ZCCHC7: variants seen among roughly 807,000 people sequenced by gnomAD.
ZCCHC7 encodes the protein zinc finger CCHC domain-containing protein 7.
ZCCHC7 carries 35 observed loss-of-function variants against 52.0 expected under a neutral mutation model. The observed-to-expected ratio is 0.67, with a 90% CI of 0.51 to 0.89. The LOEUF (loss-of-function observed/expected upper bound fraction) is 0.89, where lower values mean the gene tolerates loss of function less well. ZCCHC7 is among the 40% of genes least tolerant of loss of function. The pLI is 0.00. For synonymous variants in ZCCHC7, 217 were observed against 221.5 expected (o/e 0.98, Z 0.18); for missense variants, 574 against 649.1 (o/e 0.88, Z 1.26).
chr9:37,207,290 G>C (rs1274341925), intron 2 of ZCCHC7, among the ~76,000 whole-genome samples: 1 of 152,080 alleles, frequency 6.6e-6, no homozygotes, highest in Non-Finnish European at 1.5e-5. Flanking sequence ...CACTTGCAAT[G>C]TGTATTTCTA....
intron 2 of ZCCHC7, among the ~76,000 whole-genome samples, chr9:37,236,553 G>A (rs962322585): frequency 2.0e-5 from 3 of 151,872 alleles, no homozygotes; most frequent in African/African-American, 4.8e-5. Context: ...CACCACGCCC[G>A]GCTAATTTTT....
At chr9:37,134,842 C>T (rs1201265332) in intron 2 of ZCCHC7, among the ~76,000 whole-genome samples, 1 of 152,192 alleles carries the variant, frequency 6.6e-6, no homozygotes, top group Non-Finnish European at 1.5e-5. Context: ...TCTTCTGCCT[C>T]AGCCTCCCGA....
In ZCCHC7 at chr9:37,302,243, T is replaced by G; in HGVS notation, c.654+12T>G. The stretch of plus-strand genomic sequence containing the variant: ...ACAAAGACATTGAGGTAAAATCAAA[T>G]TGTTTTTAAAATTCAGAATAATAAT... On this transcript the variant is annotated intron_variant, in intron 3 of 8. Coordinates refer to ENST00000336755, the MANE Select transcript of ZCCHC7 (RefSeq NM_032226.3). 6 of 1,595,706 alleles carry G rather than the reference T, an allele frequency of 3.8e-6. No homozygotes were observed. Among genetic ancestry groups the G allele is most frequent in the Non-Finnish European group, 5.1e-6 (6 of 1,166,196 alleles).
chr9:37,281,493 CT>C (rs1221549895), intron 2 of ZCCHC7, among the ~76,000 whole-genome samples: 1 of 152,172 alleles, frequency 6.6e-6, no homozygotes, highest in Non-Finnish European at 1.5e-5. Context: ...ATATATGAGT[CT>C]CCACTTCGTA....
At chr9:37,214,375 T>C (rs1824395636) in intron 2 of ZCCHC7, among the ~76,000 whole-genome samples, 1 of 152,092 alleles carries the variant, frequency 6.6e-6, no homozygotes, top group South Asian at 2.1e-4. Context: ...GTTTTTATTA[T>C]GTTGAATGAA....
chr9:37,209,625 A>G (rs975812456), intron 2 of ZCCHC7, among the ~76,000 whole-genome samples: 1 of 152,172 alleles, frequency 6.6e-6, no homozygotes, highest in African/African-American at 2.4e-5. Context: ...CCTGTTAAAG[A>G]AGAACCCTTT....
intron 2 of ZCCHC7, among the ~76,000 whole-genome samples, chr9:37,164,131 C>T (rs1821271004): frequency 6.6e-6 from 1 of 151,420 alleles, no homozygotes; most frequent in South Asian, 2.1e-4. Context: ...CTTTGCATTT[C>T]TTTTTCTTTT....
At chr9:37,181,378 C>G (rs1822345086) in intron 2 of ZCCHC7, among the ~76,000 whole-genome samples, 1 of 152,142 alleles carries the variant, frequency 6.6e-6, no homozygotes, top group Admixed American at 6.5e-5. Context: ...GTGATTTGCA[C>G]TGACTTCAAA....
intron 2 of ZCCHC7, among the ~76,000 whole-genome samples, chr9:37,188,106 T>G (rs1194474968): frequency 6.6e-6 from 1 of 152,170 alleles, no homozygotes; most frequent in East Asian, 1.9e-4. Flanking sequence ...TTAGACCTCT[T>G]GATAACTATT....
chr9:37,271,893 A>G (rs570604055), intron 2 of ZCCHC7, among the ~76,000 whole-genome samples: 12 of 152,340 alleles, frequency 7.9e-5, no homozygotes, highest in African/African-American at 1.9e-4. Flanking sequence ...TAGACATAGC[A>G]TGCTGAAATT....
intron 6 of ZCCHC7, 95 bp from the exon 7 acceptor site, chr9:37,349,262 C>G: frequency 8.0e-7 from 1 of 1,255,942 alleles, no homozygotes; most frequent in Non-Finnish European, 1.1e-6. Flanking sequence ...TAAGAAACTT[C>G]TAAGGAATCC....
chr9:37,323,527 T>G (rs1288160165), intron 5 of ZCCHC7, among the ~76,000 whole-genome samples: 2 of 152,244 alleles, frequency 1.3e-5, no homozygotes, highest in Non-Finnish European at 2.9e-5. Flanking sequence ...CCATACCGAT[T>G]GGTTAAAAAA....
At chr9:37,156,722 T>C (rs1331990315) in intron 2 of ZCCHC7, among the ~76,000 whole-genome samples, 3 of 152,228 alleles carry the variant, frequency 2.0e-5, no homozygotes, top group Non-Finnish European at 4.4e-5. Context: ...TTTAGATGGT[T>C]AATGGGAATG....
intron 2 of ZCCHC7, among the ~76,000 whole-genome samples, chr9:37,129,756 C>T (rs1213594805): frequency 6.6e-6 from 1 of 152,202 alleles, no homozygotes; most frequent in Non-Finnish European, 1.5e-5. Flanking sequence ...GAAAAGACTA[C>T]AGGCTCCTTG....
intron 2 of ZCCHC7, among the ~76,000 whole-genome samples, chr9:37,164,564 GAA>G (rs1007299460): frequency 2.0e-5 from 3 of 151,944 alleles, no homozygotes; most frequent in African/African-American, 4.8e-5. Flanking sequence ...AGAAAGAAAA[GAA>G]AAGAGAGAAG....
intron 2 of ZCCHC7, among the ~76,000 whole-genome samples, chr9:37,129,708 G>A (rs913728925): frequency 6.6e-6 from 1 of 152,110 alleles, no homozygotes; most frequent in African/African-American, 2.4e-5. Flanking sequence ...ATATCTCCCA[G>A]AATTATGGCA....
chr9:37,179,215 G>A (rs1822218477), intron 2 of ZCCHC7, among the ~76,000 whole-genome samples: 1 of 151,996 alleles, frequency 6.6e-6, no homozygotes, highest in Non-Finnish European at 1.5e-5. Context: ...TATTTTTGCT[G>A]GCAGCCTTAA....
At chr9:37,281,449 TAA>T (rs1176523337) in intron 2 of ZCCHC7, among the ~76,000 whole-genome samples, 35 of 152,254 alleles carry the variant, frequency 2.3e-4, no homozygotes, top group Non-Finnish European at 5.1e-4. Flanking sequence ...AGATGAATTA[TAA>T]ACTCTTTATG....
intron 2 of ZCCHC7, among the ~76,000 whole-genome samples, chr9:37,134,830 A>G (rs1842933461): frequency 6.6e-6 from 1 of 152,132 alleles, no homozygotes; most frequent in Non-Finnish European, 1.5e-5. Context: ...GGTTCAAGTG[A>G]TTCTTCTGCC....
Sources: allele counts gnomAD v4.1 joint callset (sites outside exome capture counted in the v4.1 genomes callset), GRCh38; gene constraint gnomAD v4.1.1; transcripts MANE v1.5; gene names NCBI Gene and HGNC (gene_info 2026-07-23, HGNC 2026-07-21).